The following SORCS1 variants were observed in gnomAD, a reference collection of about 807,000 sequenced individuals.
SORCS1 encodes the protein sortilin related VPS10 domain containing receptor 1.
A neutral mutation model predicts 146.1 loss-of-function variants in SORCS1; 60 were observed. The ratio of observed to expected loss-of-function variants is 0.41; its 90% confidence interval spans 0.33 to 0.51. The LOEUF (loss-of-function observed/expected upper bound fraction) is 0.51, where lower values mean the gene tolerates loss of function less well. Ranked by LOEUF, SORCS1 falls within the 20% of genes least tolerant of loss-of-function variation. The probability of loss-of-function intolerance (pLI) is 0.21; values close to 1 mark genes in which losing one functional copy is unlikely to be tolerated. For missense variants in SORCS1, 1,352 were observed against 1,487.6 expected (o/e 0.91, Z 1.50); for synonymous variants, 637 against 584.0 (o/e 1.09, Z -1.31).
chr10:106,604,076 T>C (rs893391100), intron 23 of SORCS1, among the ~76,000 whole-genome samples: 4 of 152,124 alleles, frequency 2.6e-5, no homozygotes, highest in African/African-American at 9.7e-5. Context: ...TAAATAGAAG[T>C]TGGGGATGCC....
chr10:106,883,915 G>A (rs184767420), intron 2 of SORCS1, among the ~76,000 whole-genome samples: 7 of 152,236 alleles, frequency 4.6e-5, no homozygotes, highest in East Asian at 3.9e-4. Flanking sequence ...TCTGCAGTCC[G>A]GTACAGTCTT....
intron 3 of SORCS1, among the ~76,000 whole-genome samples, chr10:106,782,342 A>C (rs759636800): frequency 6.6e-6 from 1 of 152,148 alleles, no homozygotes; most frequent in African/African-American, 2.4e-5. Context: ...CACAGCCTCA[A>C]ACTCCTGGGC....
intron 1 of SORCS1, 114 bp from the exon 2 acceptor site, chr10:106,956,694 T>A: frequency 1.2e-6 from 1 of 865,142 alleles, no homozygotes; most frequent in Non-Finnish European, 1.8e-6. Context: ...CATAATTGAA[T>A]GAATTGTTAC....
At chr10:106,729,827 C>T (rs111918196) in intron 6 of SORCS1, among the ~76,000 whole-genome samples, 2,457 of 152,256 alleles carry the variant, frequency 0.016, 72 homozygotes, top group African/African-American at 0.057. Flanking sequence ...CACTGTGCCA[C>T]TGTGCCTGCC....
chr10:106,934,042 C>T (rs984770776), intron 2 of SORCS1, among the ~76,000 whole-genome samples: 1 of 144,932 alleles, frequency 6.9e-6, no homozygotes, highest in Non-Finnish European at 1.5e-5. Context: ...TGCAGTGAGT[C>T]GAGATCACAC....
chr10:106,955,167 G>C (rs1954876509), intron 2 of SORCS1, among the ~76,000 whole-genome samples: 1 of 152,220 alleles, frequency 6.6e-6, no homozygotes, highest in South Asian at 2.1e-4. Context: ...GACCCTTCTG[G>C]GGGCCTAGAC....
At chr10:106,976,333 G>GTT (rs1554901318) in intron 1 of SORCS1, among the ~76,000 whole-genome samples, 4 of 113,812 alleles carry the variant, frequency 3.5e-5, no homozygotes, top group Non-Finnish European at 3.4e-5. Context: ...AGGTTTTTTT[G>GTT]TTTTTTTTTT....
the SORCS1 span, among the ~76,000 whole-genome samples, chr10:107,180,951 T>G: frequency 6.6e-6 from 1 of 152,314 alleles, no homozygotes; most frequent in East Asian, 1.9e-4. Flanking sequence ...CTGTAGGCAA[T>G]TCTAACACAA....
intron 1 of SORCS1, among the ~76,000 whole-genome samples, chr10:107,030,372 G>A (rs1437483688): frequency 2.6e-5 from 4 of 152,130 alleles, no homozygotes; most frequent in Admixed American, 6.5e-5. Context: ...ATAAGAAAAT[G>A]CAGTTAAATA....
chr10:106,722,145 A>ACACACACC, intron 6 of SORCS1, among the ~76,000 whole-genome samples: 1 of 151,616 alleles, frequency 6.6e-6, no homozygotes. Context: ...ACACACACAC[A>ACACACACC]CACATATATA....
chr10:106,948,361 A>T (rs529298893), intron 2 of SORCS1, among the ~76,000 whole-genome samples: 18 of 151,914 alleles, frequency 1.2e-4, no homozygotes, highest in East Asian at 5.8e-4. Context: ...GATTTTTTTT[A>T]AAAAAACATA....
At chr10:107,063,973 G>C (rs1168244425) in intron 1 of SORCS1, among the ~76,000 whole-genome samples, 5 of 152,120 alleles carry the variant, frequency 3.3e-5, no homozygotes, top group African/African-American at 1.2e-4. Context: ...ATATTCAGTA[G>C]AATTCAACAC....
At chr10:106,878,652 T>TATTTG (rs1950696662) in intron 2 of SORCS1, among the ~76,000 whole-genome samples, 1 of 69,354 alleles carries the variant, frequency 1.4e-5, no homozygotes, top group Non-Finnish European at 3.2e-5. Flanking sequence ...ATATATATTT[T>TATTTG]ATAGCAGCCT....
At chr10:106,820,085 T>A (rs1261510859) in intron 3 of SORCS1, among the ~76,000 whole-genome samples, 1 of 152,192 alleles carries the variant, frequency 6.6e-6, no homozygotes, top group African/African-American at 2.4e-5. Context: ...AGATATTTTC[T>A]TTTTACATAT....
chr10:106,736,299 G>A (rs1589768053), intron 5 of SORCS1, among the ~76,000 whole-genome samples: 1 of 152,304 alleles, frequency 6.6e-6, no homozygotes, highest in East Asian at 1.9e-4. Context: ...TAAATATCAT[G>A]ATGGGATAGC....
At chr10:107,145,787 T>C (rs560312090) in intron 1 of SORCS1, among the ~76,000 whole-genome samples, 1 of 152,284 alleles carries the variant, frequency 6.6e-6, no homozygotes, top group South Asian at 2.1e-4. Context: ...CAGTTTCTGA[T>C]TTGGGAGAAA....
At chr10:106,748,006 G>A (rs1253184703) in intron 5 of SORCS1, among the ~76,000 whole-genome samples, 1 of 152,008 alleles carries the variant, frequency 6.6e-6, no homozygotes, top group Non-Finnish European at 1.5e-5. Flanking sequence ...AATATTTATT[G>A]AGCACCTCTT....
intron 1 of SORCS1, among the ~76,000 whole-genome samples, chr10:107,161,501 G>T (rs1252822278): frequency 2.0e-5 from 3 of 152,146 alleles, no homozygotes; most frequent in African/African-American, 7.2e-5. Context: ...GTATGAGGCT[G>T]TAAAGTCACA....
intron 1 of SORCS1, among the ~76,000 whole-genome samples, chr10:107,054,495 AAG>A (rs1345769259): frequency 6.6e-6 from 1 of 152,214 alleles, no homozygotes; most frequent in African/African-American, 2.4e-5. Flanking sequence ...TGTGACAGAA[AAG>A]AGCTGGACAC....
Sources: allele counts gnomAD v4.1 joint callset (sites outside exome capture counted in the v4.1 genomes callset), GRCh38; gene constraint gnomAD v4.1.1; transcripts MANE v1.5; gene names NCBI Gene and HGNC (gene_info 2026-07-23, HGNC 2026-07-21).